CLECL1: variants seen among roughly 807,000 people sequenced by gnomAD.
The protein encoded by CLECL1 is C-type lectin-like domain family 1.
chr12:9,733,472 A>C (rs1866479888), upstream of CLECL1, among the ~76,000 whole-genome samples: 1 of 152,190 alleles, frequency 6.6e-6, no homozygotes, highest in South Asian at 2.1e-4. Flanking sequence ...AAGAAAAAGA[A>C]GGGATTTTAT....
At chr12:9,733,115 G>GTTAAA (rs2121071574), upstream of CLECL1, 1 of 1,614,060 alleles carries the variant, frequency 6.2e-7, no homozygotes, top group Non-Finnish European at 8.5e-7. Context: ...CTTCTGATAA[G>GTTAAA]TAAATTGAGA....
chr12:9,718,984 TTG>T (rs745971453), downstream of CLECL1, among the ~76,000 whole-genome samples: 530 of 152,348 alleles, frequency 3.5e-3, 1 homozygote, highest in African/African-American at 0.012. Context: ...TTGGGTTTTT[TTG>T]TGTGTGTCTT....
chr12:9,729,948 G>A (rs777083912), intron 1 of CLECL1, among the ~76,000 whole-genome samples: 2 of 151,976 alleles, frequency 1.3e-5, no homozygotes, highest in African/African-American at 4.8e-5. Flanking sequence ...GTGTCTCTGG[G>A]TTTTTATATA....
intron 3 of CLECL1, among the ~76,000 whole-genome samples, chr12:9,723,731 G>A (rs1217552390): frequency 6.6e-6 from 1 of 152,096 alleles, no homozygotes; most frequent in Non-Finnish European, 1.5e-5. Context: ...AAAACATAGA[G>A]GGGGTGCTCT....
downstream of CLECL1, chr12:9,722,433 A>G (rs1290521299): frequency 2.3e-5 from 22 of 962,610 alleles, no homozygotes; most frequent in Non-Finnish European, 3.1e-5. Context: ...AGCTTGGTAT[A>G]AAACATAAAA....
chr12:9,702,276 A>G, the CLECL1 span, among the ~76,000 whole-genome samples: 1 of 152,118 alleles, frequency 6.6e-6, no homozygotes, highest in Non-Finnish European at 1.5e-5. Flanking sequence ...GGAAGGTGGT[A>G]TTCCCCTGGA....
intron 2 of CLECL1, among the ~76,000 whole-genome samples, chr12:9,717,227 G>T (rs759422486): frequency 6.6e-6 from 1 of 152,168 alleles, no homozygotes. Context: ...TGGCTAACAC[G>T]GTGAAACCCC....
chr12:9,713,873 C>T (rs990069283), downstream of CLECL1, among the ~76,000 whole-genome samples: 1 of 152,154 alleles, frequency 6.6e-6, no homozygotes, highest in Non-Finnish European at 1.5e-5. Flanking sequence ...CCAAACATGG[C>T]TCTTGGATTG....
downstream of CLECL1, among the ~76,000 whole-genome samples, chr12:9,713,031 T>G (rs1866210494): frequency 6.6e-6 from 1 of 152,194 alleles, no homozygotes; most frequent in Non-Finnish European, 1.5e-5. Flanking sequence ...CCTCAAAATC[T>G]GAGCTCCCCG....
downstream of CLECL1, chr12:9,722,407 G>A (rs1051395433): frequency 1.1e-5 from 7 of 621,410 alleles, no homozygotes; most frequent in African/African-American, 1.2e-4. Flanking sequence ...AGAAGCAATG[G>A]TCCCTTGGAG....
chr12:9,730,300 A>T (rs1458736179), intron 1 of CLECL1, among the ~76,000 whole-genome samples: 1 of 152,216 alleles, frequency 6.6e-6, no homozygotes, highest in East Asian at 1.9e-4. Context: ...AATAAACCAA[A>T]TAAAAGAAGT....
chr12:9,723,633 CCT>C (rs1421517310), intron 3 of CLECL1, among the ~76,000 whole-genome samples: 1 of 152,086 alleles, frequency 6.6e-6, no homozygotes, highest in Non-Finnish European at 1.5e-5. Flanking sequence ...CATTAAAAAA[CCT>C]GCAGCCTTTC....
At chr12:9,720,132 C>T (rs572733414), downstream of CLECL1, among the ~76,000 whole-genome samples, 10 of 152,200 alleles carry the variant, frequency 6.6e-5, no homozygotes, top group South Asian at 2.1e-3. Context: ...TGGATATAGT[C>T]GTTGGTCCAG....
At chr12:9,710,892 C>A (rs1866194326), downstream of CLECL1, among the ~76,000 whole-genome samples, 1 of 152,178 alleles carries the variant, frequency 6.6e-6, no homozygotes, top group Non-Finnish European at 1.5e-5. Flanking sequence ...TATTTCCACT[C>A]AATAAAACCT....
the CLECL1 span, among the ~76,000 whole-genome samples, chr12:9,702,252 A>G: frequency 5.3e-5 from 8 of 152,138 alleles, no homozygotes; most frequent in African/African-American, 1.7e-4. Context: ...GGGAGCTGGA[A>G]AGTGGATGGA....
At chr12:9,707,664 C>A in the CLECL1 span, among the ~76,000 whole-genome samples, 4 of 152,184 alleles carry the variant, frequency 2.6e-5, no homozygotes, top group East Asian at 1.9e-4. Context: ...GGCAAGGGAA[C>A]TTTTCCCATT....
At chr12:9,726,989 A>G (rs1014852317) in intron 3 of CLECL1, among the ~76,000 whole-genome samples, 6 of 151,842 alleles carry the variant, frequency 4.0e-5, no homozygotes, top group Non-Finnish European at 7.4e-5. Flanking sequence ...TAATTTGGAC[A>G]TGGTAAGTCA....
At chr12:9,716,918 C>A (rs2268145) in intron 2 of CLECL1, 2 of 366,442 alleles carry the variant, frequency 5.5e-6, no homozygotes, top group African/African-American at 4.4e-5. Context: ...TAAACCACAC[C>A]CCCACGTCCT....
At chr12:9,720,246 C>T (rs1866292763), downstream of CLECL1, among the ~76,000 whole-genome samples, 1 of 152,116 alleles carries the variant, frequency 6.6e-6, no homozygotes, top group South Asian at 2.1e-4. Context: ...ATGTTTGTTG[C>T]CCTTCTCCCC....
Sources: gnomAD v4.1 joint callset for allele counts (sites outside exome capture counted in the v4.1 genomes callset) on GRCh38, gnomAD v4.1.1 for gene constraint, MANE v1.5 for transcripts, NCBI Gene and HGNC (gene_info 2026-07-23, HGNC 2026-07-21) for gene names.